The following PTPRD variants were observed in gnomAD, a reference collection of about 807,000 sequenced individuals.
PTPRD encodes the protein receptor-type tyrosine-protein phosphatase delta.
A neutral mutation model predicts 214.5 loss-of-function variants in PTPRD; 34 were observed. That is an observed-to-expected ratio of 0.16 (90% CI 0.12 to 0.21). The LOEUF (loss-of-function observed/expected upper bound fraction) is 0.21, where lower values mean the gene tolerates loss of function less well. Among genes scored for constraint, PTPRD ranks in the 10% least tolerant of loss-of-function variants. PTPRD has a pLI of 1.00. For missense variants in PTPRD, 2,545 were observed against 2,398.7 expected, an observed-to-expected ratio of 1.06 and a Z score of -1.27; for synonymous variants, 1,128 against 845.7, an observed-to-expected ratio of 1.33 and a Z score of -5.79.
At chr9:9,737,287 T>C (rs75591835) in intron 6 of PTPRD, among the ~76,000 whole-genome samples, 1 of 152,178 alleles carries the variant, frequency 6.6e-6, no homozygotes, top group Admixed American at 6.5e-5. Context: ...CCTAATAATA[T>C]GCTTTGATAG....
chr9:8,403,238 G>C (rs1434892894), intron 36 of PTPRD, among the ~76,000 whole-genome samples: 2 of 152,140 alleles, frequency 1.3e-5, no homozygotes, highest in African/African-American at 4.8e-5. Context: ...AGAAAACAGG[G>C]ACAGGTACTC....
chr9:9,373,043 T>C (rs2059934747), intron 9 of PTPRD, among the ~76,000 whole-genome samples: 1 of 152,106 alleles, frequency 6.6e-6, no homozygotes, highest in Non-Finnish European at 1.5e-5. Flanking sequence ...CAATGTTATG[T>C]ATCTTTAATT....
intron 2 of PTPRD, among the ~76,000 whole-genome samples, chr9:10,467,021 G>C: frequency 6.6e-6 from 1 of 152,172 alleles, no homozygotes; most frequent in Non-Finnish European, 1.5e-5. Context: ...GAACCACATA[G>C]ATGATGGCAA....
intron 4 of PTPRD, among the ~76,000 whole-genome samples, chr9:9,961,097 T>C (rs2094332532): frequency 6.6e-6 from 1 of 152,064 alleles, no homozygotes; most frequent in African/African-American, 2.4e-5. Context: ...TCCTTTCAAA[T>C]ATGAATTACA....
At chr9:8,467,686 ACT>A (rs34669237) in intron 31 of PTPRD, among the ~76,000 whole-genome samples, 7,347 of 151,844 alleles carry the variant, frequency 0.048, 240 homozygotes, top group South Asian at 0.095. Flanking sequence ...AATTGTTCTA[ACT>A]CTGTGTATTT....
chr9:10,488,179 A>C (rs1488129549), intron 2 of PTPRD, among the ~76,000 whole-genome samples: 1 of 151,860 alleles, frequency 6.6e-6, no homozygotes, highest in Non-Finnish European at 1.5e-5. Context: ...CATCCTGGCT[A>C]ACACGATGAA....
intron 2 of PTPRD, among the ~76,000 whole-genome samples, chr9:10,439,155 C>G (rs1035135555): frequency 2.0e-5 from 3 of 151,816 alleles, no homozygotes. Context: ...GCCATTTAGT[C>G]TGTTTCACAG....
At chr9:10,582,544 G>A (rs1265713604) in intron 2 of PTPRD, among the ~76,000 whole-genome samples, 1 of 152,082 alleles carries the variant, frequency 6.6e-6, no homozygotes, top group Non-Finnish European at 1.5e-5. Context: ...CACAGTCTCA[G>A]AGTTGACAAC....
intron 5 of PTPRD, among the ~76,000 whole-genome samples, chr9:9,879,978 G>T (rs1322846580): frequency 2.0e-5 from 3 of 152,126 alleles, no homozygotes; most frequent in Admixed American, 2.0e-4. Context: ...CTTTCTACAG[G>T]TGTGATATGG....
chr9:10,332,710 T>C (rs935690186), intron 3 of PTPRD, among the ~76,000 whole-genome samples: 2 of 151,420 alleles, frequency 1.3e-5, no homozygotes, highest in Non-Finnish European at 3.0e-5. Context: ...ATAAAGTAAG[T>C]TTTTCAAGGT....
chr9:9,918,825 G>A (rs1336823119), intron 5 of PTPRD, among the ~76,000 whole-genome samples: 1 of 152,082 alleles, frequency 6.6e-6, no homozygotes, highest in Non-Finnish European at 1.5e-5. Flanking sequence ...TTAATAAATG[G>A]TGCTAGGAGA....
intron 11 of PTPRD, among the ~76,000 whole-genome samples, chr9:8,790,259 T>C (rs1388362198): frequency 2.6e-5 from 4 of 152,078 alleles, no homozygotes; most frequent in Non-Finnish European, 4.4e-5. Context: ...GAAGTGATCC[T>C]TCTACCTCTG....
intron 14 of PTPRD, among the ~76,000 whole-genome samples, chr9:8,595,126 G>A (rs2094406171): frequency 6.7e-6 from 1 of 149,698 alleles, no homozygotes; most frequent in Admixed American, 6.7e-5. Context: ...GCCTCCCAAA[G>A]TGCTGGGATT....
At chr9:9,503,566 A>G (rs1277976406) in intron 8 of PTPRD, among the ~76,000 whole-genome samples, 2 of 151,772 alleles carry the variant, frequency 1.3e-5, no homozygotes, top group African/African-American at 2.4e-5. Flanking sequence ...CACAATGATC[A>G]TATGGTTTAG....
At chr9:9,371,254 G>T (rs1278272400) in intron 9 of PTPRD, among the ~76,000 whole-genome samples, 5 of 151,890 alleles carry the variant, frequency 3.3e-5, no homozygotes. Context: ...GACTTTTTTT[G>T]GTTGGTAAGG....
At chr9:10,044,485 T>C (rs2097354303) in intron 3 of PTPRD, among the ~76,000 whole-genome samples, 2 of 151,814 alleles carry the variant, frequency 1.3e-5, no homozygotes, top group South Asian at 4.1e-4. Flanking sequence ...ACAGAGGTGT[T>C]AAAATCATTG....
chr9:10,279,417 C>A (rs1428325661), intron 3 of PTPRD, among the ~76,000 whole-genome samples: 1 of 152,108 alleles, frequency 6.6e-6, no homozygotes, highest in Non-Finnish European at 1.5e-5. Context: ...AAGACTTGGT[C>A]AACTGTAATA....
At chr9:10,242,656 C>G (rs2091320788) in intron 3 of PTPRD, among the ~76,000 whole-genome samples, 1 of 140,806 alleles carries the variant, frequency 7.1e-6, no homozygotes, top group East Asian at 2.1e-4. Context: ...TCTTCAGTGC[C>G]ATGTAAAATC....
At chr9:10,426,464 C>A (rs1055128833) in intron 2 of PTPRD, among the ~76,000 whole-genome samples, 12 of 151,810 alleles carry the variant, frequency 7.9e-5, no homozygotes. Context: ...TAGTTATCAC[C>A]AAAAGCATAA....
Sources: allele counts gnomAD v4.1 joint callset (sites outside exome capture counted in the v4.1 genomes callset), GRCh38; gene constraint gnomAD v4.1.1; transcripts MANE v1.5; gene names NCBI Gene and HGNC (gene_info 2026-07-23, HGNC 2026-07-21).